The following LRGUK variants were observed in gnomAD, a reference collection of about 807,000 sequenced individuals.
LRGUK encodes the protein leucine rich repeats and guanylate kinase domain containing.
Under a neutral mutation model 76.0 loss-of-function variants are expected in LRGUK, and 65 were observed. The ratio of observed to expected loss-of-function variants is 0.85; its 90% CI spans 0.70 to 1.05. The LOEUF (loss-of-function observed/expected upper bound fraction) is 1.05. Ranked by LOEUF, LRGUK falls within the 50% of genes least tolerant of loss-of-function variation. The pLI is 0.00. For missense variants in LRGUK, 758 were observed against 732.8 expected, an observed-to-expected ratio of 1.03 and a Z score of -0.40; for synonymous variants, 268 against 265.6, an observed-to-expected ratio of 1.01 and a Z score of -0.09.
chr7:134,171,602 G>A (rs1353443098), intron 7 of LRGUK, among the ~76,000 whole-genome samples: 3 of 152,066 alleles, frequency 2.0e-5, no homozygotes, highest in Admixed American at 1.3e-4. Flanking sequence ...CGTGCTTTGG[G>A]GATGGGGGTG....
intron 1 of LRGUK, among the ~76,000 whole-genome samples, chr7:134,133,059 G>T (rs1374048664): frequency 1.3e-5 from 2 of 152,156 alleles, no homozygotes; most frequent in African/African-American, 4.8e-5. Flanking sequence ...GGGACTCCAG[G>T]ATGCAGAGTT....
At chr7:134,135,896 A>T (rs1277481125) in intron 1 of LRGUK, among the ~76,000 whole-genome samples, 48 of 152,170 alleles carry the variant, frequency 3.2e-4, no homozygotes, top group Non-Finnish European at 5.1e-4. Flanking sequence ...GACCTTGCGA[A>T]CCGCCCACCT....
intron 15 of LRGUK, among the ~76,000 whole-genome samples, chr7:134,221,191 A>G (rs913170395): frequency 5.9e-5 from 9 of 152,216 alleles, no homozygotes; most frequent in Admixed American, 5.2e-4. Context: ...TTTTAAAAGC[A>G]ATACTCCTGA....
At chr7:134,235,132 A>G (rs1801983485) in intron 16 of LRGUK, among the ~76,000 whole-genome samples, 1 of 152,198 alleles carries the variant, frequency 6.6e-6, no homozygotes, top group Admixed American at 6.5e-5. Flanking sequence ...ATCAATTGCA[A>G]ACCTAGGTCA....
rs548314602 is a variant in LRGUK at position 134,208,934 on chromosome 7, A to G, written c.2071A>G (p.Asn691Asp). The G allele has an allele frequency of 1.5e-5, 6 of 399,120 alleles. No individual in the cohort carries two copies. In the South Asian group the frequency reaches 7.6e-4, roughly 51 times the overall value. The allele number at this position is 399,120 out of a possible 1,614,324, so 24.7% of individuals were successfully genotyped here. A position where few individuals can be genotyped will look rare whatever the true frequency, so the allele number is the denominator to read the frequency against. Reference sequence around the variant, plus strand: ...AGAGCTTTCTCCTGACAGCCATCTCAATCCTGAGCTCCCTCAACACCTCAG... The same window carrying G: ...AGAGCTTTCTCCTGACAGCCATCTCGATCCTGAGCTCCCTCAACACCTCAG... Residue 691 changes from asparagine to aspartate, a missense_variant, in exon 16 of 16, where the codon AAT (asparagine) becomes GAT (aspartate). By Grantham distance (23) the Asn-to-Asp change is conservative. Transcript: ENST00000645682.
chr7:134,224,893 A>G (rs1031513666), intron 16 of LRGUK, among the ~76,000 whole-genome samples: 2 of 152,038 alleles, frequency 1.3e-5, no homozygotes, highest in Admixed American at 1.3e-4. Context: ...TCTACTGAAA[A>G]TACAAAACAT....
intron 10 of LRGUK, among the ~76,000 whole-genome samples, chr7:134,181,705 C>G (rs1003292597): frequency 4.6e-5 from 7 of 151,990 alleles, no homozygotes; most frequent in African/African-American, 1.7e-4. Context: ...ATTGTAGATT[C>G]ACATGAAGTT....
At chr7:134,229,155 CA>C (rs1435248868) in intron 16 of LRGUK, among the ~76,000 whole-genome samples, 1 of 152,082 alleles carries the variant, frequency 6.6e-6, no homozygotes, top group East Asian at 1.9e-4. Context: ...ATGAGAGGAT[CA>C]CTTGATGTCA....
intron 18 of LRGUK, among the ~76,000 whole-genome samples, chr7:134,251,501 T>G (rs568807285): frequency 2.0e-5 from 3 of 152,296 alleles, no homozygotes; most frequent in African/African-American, 7.2e-5. Context: ...TTTAAGCCAC[T>G]CAGTTCATGG....
rs113393042 is a variant in LRGUK at position 134,258,399 on chromosome 7, C to G, written c.2341C>G (p.Arg781Gly). The G allele has an allele frequency of 1.9e-6, 3 of 1,613,490 alleles. No individual in the cohort carries two copies. The African/African-American group carries it at 4.0e-5, about 22-fold the overall frequency. Residue 781 changes from arginine (R) to glycine (G), a missense_variant, in exon 19 of 20, where the codon CGG becomes GGG. Physicochemically the swap from Arg to Gly is moderately radical, Grantham distance 125. Coordinates refer to the LRGUK transcript ENST00000285928. ...CAGTGACAGTGAGACCGAAGAGACCCGGAAAGGTATGAGTTAGGCCAAGCG... is the reference window on the plus strand; with the variant it reads ...CAGTGACAGTGAGACCGAAGAGACCGGGAAAGGTATGAGTTAGGCCAAGCG...
intron 19 of LRGUK, among the ~76,000 whole-genome samples, chr7:134,260,465 C>T (rs967103620): frequency 1.3e-5 from 2 of 152,148 alleles, no homozygotes; most frequent in Non-Finnish European, 2.9e-5. Flanking sequence ...AAAACAGCTA[C>T]CTCTCCAAAG....
At chr7:134,184,518 C>T (rs1372972151) in intron 11 of LRGUK, among the ~76,000 whole-genome samples, 2 of 152,184 alleles carry the variant, frequency 1.3e-5, no homozygotes, top group East Asian at 3.9e-4. Context: ...ATCCTCCCAC[C>T]TTGGCCTCCC....
At chr7:134,146,635 T>C (rs1254901923) in intron 4 of LRGUK, among the ~76,000 whole-genome samples, 2 of 152,262 alleles carry the variant, frequency 1.3e-5, no homozygotes, top group African/African-American at 4.8e-5. Context: ...TGTATTTTAC[T>C]AAGTAGTCCT....
chr7:134,171,137 T>G (rs78278966), intron 7 of LRGUK, among the ~76,000 whole-genome samples: 240 of 5,436 alleles, frequency 0.044, no homozygotes, highest in African/African-American at 0.12. Context: ...CAAGCAATCT[T>G]TTTTTTTTTT....
exon 18 of LRGUK, chr7:134,249,037 A>T: frequency 6.3e-7 from 1 of 1,596,764 alleles, no homozygotes; most frequent in Non-Finnish European, 8.5e-7. Flanking sequence ...CTTTGTGAAG[A>T]CTATTTTAAA....
chr7:134,209,688 G>A (rs193167908), exon 16 of LRGUK: 116 of 399,404 alleles, frequency 2.9e-4, no homozygotes, highest in African/African-American at 2.1e-3. Flanking sequence ...CCACCAACCC[G>A]GGAAGCAGAC....
At chr7:134,215,578 T>C (rs372034026) in intron 15 of LRGUK, among the ~76,000 whole-genome samples, 1 of 152,224 alleles carries the variant, frequency 6.6e-6, no homozygotes, top group East Asian at 1.9e-4. Flanking sequence ...CCAAAATCTA[T>C]ATGTATACGT....
intron 16 of LRGUK, among the ~76,000 whole-genome samples, chr7:134,239,873 G>T (rs1044985137): frequency 1.6e-4 from 24 of 152,314 alleles, no homozygotes; most frequent in African/African-American, 5.5e-4. Context: ...GGATTAGGCA[G>T]CAACATCTGC....
At chr7:134,215,985 C>G (rs1310638431) in intron 15 of LRGUK, among the ~76,000 whole-genome samples, 1 of 152,110 alleles carries the variant, frequency 6.6e-6, no homozygotes, top group Non-Finnish European at 1.5e-5. Context: ...CAGATTGTAA[C>G]CTTAGAAATT....
Sources: allele counts gnomAD v4.1 joint callset (sites outside exome capture counted in the v4.1 genomes callset), GRCh38; gene constraint gnomAD v4.1.1; transcripts MANE v1.5; gene names NCBI Gene and HGNC (gene_info 2026-07-23, HGNC 2026-07-21).